Variants in PEAK1 observed in about 807,000 individuals in gnomAD.
PEAK1 encodes inactive tyrosine-protein kinase PEAK1.
A neutral mutation model predicts 124.7 loss-of-function variants in PEAK1; 54 were observed. The ratio of observed to expected loss-of-function variants is 0.43; its 90% CI spans 0.35 to 0.54. PEAK1 has a LOEUF of 0.54. PEAK1 is among the 20% of genes least tolerant of loss of function. PEAK1 has a pLI of 0.01. For missense variants in PEAK1, 2,046 were observed against 2,134.5 expected (o/e 0.96, Z 0.82); for synonymous variants, 719 against 760.0 (o/e 0.95, Z 0.89).
At chr15:77,420,154 C>G (rs1595904239), upstream of PEAK1, 2 of 150,420 alleles carry the variant, frequency 1.3e-5, no homozygotes, top group East Asian at 3.9e-4. Flanking sequence ...CGCGCGCTCC[C>G]GGCCGCTCGC....
chr15:77,358,219 C>T (rs1357883261), intron 2 of PEAK1, among the ~76,000 whole-genome samples: 1 of 152,066 alleles, frequency 6.6e-6, no homozygotes, highest in African/African-American at 2.4e-5. Context: ...TTTCCCCTAC[C>T]TCTGTATATA....
At chr15:77,345,828 A>G in intron 2 of PEAK1, 1 of 740,666 alleles carries the variant, frequency 1.4e-6, no homozygotes, top group Non-Finnish European at 1.6e-6. Flanking sequence ...CATTGTATAC[A>G]GGTATTAAAG....
chr15:77,171,762 A>G (rs1451710005), intron 7 of PEAK1, among the ~76,000 whole-genome samples: 4 of 152,196 alleles, frequency 2.6e-5, no homozygotes, highest in African/African-American at 4.8e-5. Flanking sequence ...ACTTTACATT[A>G]TATGTATTGC....
intron 2 of PEAK1, chr15:77,347,955 A>G (rs1259490238): frequency 2.0e-6 from 2 of 985,220 alleles, no homozygotes; most frequent in Middle Eastern, 5.2e-4. Context: ...ATGATTCCCA[A>G]ACATACTGTA....
chr15:77,251,540 A>C (rs1283030873), intron 6 of PEAK1, among the ~76,000 whole-genome samples: 1 of 152,224 alleles, frequency 6.6e-6, no homozygotes, highest in Non-Finnish European at 1.5e-5. Context: ...AAAGTTCAAA[A>C]AATAACACCA....
At position 77,114,619 on chromosome 15, in the gene PEAK1, A is replaced by C; in HGVS notation, c.4778T>G (p.Phe1593Cys). 6.2e-7 allele frequency: 1 copy of C among 1,613,840 alleles called. No homozygotes were observed. The highest frequency in any genetic ancestry group is 1.3e-5 in the African/African-American group (1 of 74,914). The change falls in exon 10 of 10, where the codon TTC becomes TGC. Residue 1593 changes from phenylalanine (F) to cysteine (C), a missense_variant. Coordinates refer to ENST00000682557, the MANE Select transcript of PEAK1 (RefSeq NM_001385026.1). ...TATQYKKCDE[F>C]QTGILIYEML... is the part of the protein sequence containing the mutation. Reference sequence around the variant, plus strand: ...CTCATAGATGAGGATGCCTGTCTGGAACTCATCACACTTTTTATACTGGGT... The same window carrying C: ...CTCATAGATGAGGATGCCTGTCTGGCACTCATCACACTTTTTATACTGGGT...
chr15:77,108,063 C>G (rs1469223920), downstream of PEAK1: 1 of 152,256 alleles, frequency 6.6e-6, no homozygotes, highest in Non-Finnish European at 1.5e-5. Flanking sequence ...GACAGGGCAC[C>G]TACCCTGGGG....
intron 6 of PEAK1, among the ~76,000 whole-genome samples, chr15:77,224,925 C>T (rs2059561996): frequency 6.6e-6 from 1 of 151,898 alleles, no homozygotes; most frequent in African/African-American, 2.4e-5. Context: ...CTAGTTTGTT[C>T]TGGTGGTCTC....
chr15:77,224,449 G>A (rs1197956451), intron 6 of PEAK1, among the ~76,000 whole-genome samples: 1 of 151,988 alleles, frequency 6.6e-6, no homozygotes, highest in Non-Finnish European at 1.5e-5. Context: ...TGCACTGACT[G>A]TCAACCTTGC....
chr15:77,340,710 G>A (rs2066476316), intron 2 of PEAK1, among the ~76,000 whole-genome samples: 1 of 152,106 alleles, frequency 6.6e-6, no homozygotes, highest in Non-Finnish European at 1.5e-5. Context: ...CCATAACAGT[G>A]TATATTGTAA....
chr15:77,255,406 A>T, intron 5 of PEAK1: 1 of 980,630 alleles, frequency 1.0e-6, no homozygotes, highest in Non-Finnish European at 1.2e-6. Context: ...ATATTTGAAA[A>T]CAAAAGTTCT....
chr15:77,214,183 C>T (rs2059034119), intron 6 of PEAK1, among the ~76,000 whole-genome samples: 2 of 152,016 alleles, frequency 1.3e-5, no homozygotes, highest in Admixed American at 6.5e-5. Flanking sequence ...TTTCAGCTAT[C>T]ATGAATAATA....
rs78734660 is a variant in PEAK1 at position 77,163,743 on chromosome 15, A to G, written c.3138-5047T>C. 6.5e-3 allele frequency among the ~76,000 whole-genome samples: 983 copies of G among 152,314 alleles called. 7 individuals carry two copies. Among genetic ancestry groups the G allele is most frequent in the Non-Finnish European group, 9.8e-3 (665 of 68,034 alleles). ...ACAATAAGTAAAATCTGACTTCTAG[A>G]GACTACCTGCCTCTTGGGACAAATG... is the stretch of plus-strand genomic sequence containing the variant. On this transcript the variant is annotated intron_variant, in intron 7 of 9. Transcript: ENST00000682557.
rs530825622 is a variant in PEAK1 at position 77,334,647 on chromosome 15, T to C, written c.-603+30516A>G. 1.9e-5 allele frequency: 19 copies of C among 985,300 alleles called. No homozygotes were observed. The African/African-American group carries it at 3.3e-4, about 17-fold the overall frequency. 61.0% of individuals were successfully genotyped at this position (985,300 alleles called of 1,614,324 possible). A position where few individuals can be genotyped will look rare whatever the true frequency, so the allele number is the denominator to read the frequency against. ...AGCAGGAAATATTTTCATATTTTTA[T>C]TTGTATTACTTTTGGATCAGCATCA... On this transcript the variant is annotated intron_variant, in intron 2 of 9. Coordinates refer to ENST00000682557, the MANE Select transcript of PEAK1 (RefSeq NM_001385026.1).
chr15:77,108,189 A>G lies in PEAK1; in HGVS notation c.*5967T>C, dbSNP rs1383868951. 6.6e-6 allele frequency: 1 copy of G among 152,240 alleles called. No homozygotes were observed. The highest frequency in any genetic ancestry group is 1.9e-4 in the East Asian group (1 of 5,202). The allele number at this position is 152,240 out of a possible 1,614,324, so 9.4% of individuals were successfully genotyped here. Reference sequence around the variant, plus strand: ...AGTGTGTATTAAAATGAATTTATTTACACAGTAACATGATGCCACGGAGTA... The same window carrying G: ...AGTGTGTATTAAAATGAATTTATTTGCACAGTAACATGATGCCACGGAGTA... On this transcript the variant is annotated 3_prime_UTR_variant, in exon 10 of 10. Coordinates refer to ENST00000682557, the MANE Select transcript of PEAK1 (RefSeq NM_001385026.1).
intron 8 of PEAK1, among the ~76,000 whole-genome samples, chr15:77,141,821 C>T (rs1052683284): frequency 6.6e-6 from 1 of 152,058 alleles, no homozygotes; most frequent in Admixed American, 6.6e-5. Context: ...CCCTACCTCA[C>T]ACTATACACA....
chr15:77,325,718 A>G (rs1372329040), intron 2 of PEAK1, among the ~76,000 whole-genome samples: 1 of 152,120 alleles, frequency 6.6e-6, no homozygotes, highest in Non-Finnish European at 1.5e-5. Context: ...ATACAAACCA[A>G]ATTTCTCAGC....
intron 5 of PEAK1, among the ~76,000 whole-genome samples, chr15:77,256,401 G>T (rs2061135499): frequency 6.6e-6 from 1 of 150,486 alleles, no homozygotes; most frequent in Admixed American, 6.6e-5. Flanking sequence ...GTAGCGAATA[G>T]TTTCAGGTAA....
At chr15:77,358,694 G>A (rs1335484011) in intron 2 of PEAK1, among the ~76,000 whole-genome samples, 1 of 152,190 alleles carries the variant, frequency 6.6e-6, no homozygotes, top group African/African-American at 2.4e-5. Context: ...ACAACATAGT[G>A]AAAAAGTACA....
Sources: gnomAD v4.1 joint callset for allele counts (sites outside exome capture counted in the v4.1 genomes callset) on GRCh38, gnomAD v4.1.1 for gene constraint, MANE v1.5 for transcripts, NCBI Gene and HGNC (gene_info 2026-07-23, HGNC 2026-07-21) for gene names.